Variants in GRID2 observed in about 807,000 individuals in gnomAD.
The protein encoded by GRID2 is glutamate receptor ionotropic, delta-2.
In GRID2, 33 loss-of-function variants were observed where a neutral mutation model predicts 114.8. The ratio of observed to expected loss-of-function variants is 0.29; its 90% CI spans 0.22 to 0.38. The LOEUF is 0.38. GRID2 is among the 10% of genes least tolerant of loss of function. The pLI is 1.00. For synonymous variants in GRID2, 505 were observed against 449.9 expected (o/e 1.12, Z -1.55); for missense variants, 1,184 against 1,257.7 (o/e 0.94, Z 0.89).
chr4:93,533,005 G>A (rs1448475309), intron 13 of GRID2, among the ~76,000 whole-genome samples: 1 of 151,954 alleles, frequency 6.6e-6, no homozygotes, highest in Non-Finnish European at 1.5e-5. Context: ...TTTTTCAGTT[G>A]CGTGTGCTGG....
At chr4:93,245,178 T>A (rs773540678) in intron 8 of GRID2, among the ~76,000 whole-genome samples, 4 of 152,126 alleles carry the variant, frequency 2.6e-5, no homozygotes, top group Middle Eastern at 3.2e-3. Flanking sequence ...TTGTTTTCTG[T>A]TGTATTCCTA....
chr4:92,674,374 A>G (rs1362530212), intron 2 of GRID2, among the ~76,000 whole-genome samples: 1 of 151,612 alleles, frequency 6.6e-6, no homozygotes, highest in Admixed American at 6.6e-5. Flanking sequence ...CTTCAAGTTC[A>G]CTCATTCTTT....
intron 14 of GRID2, among the ~76,000 whole-genome samples, chr4:93,745,875 T>A (rs2110267872): frequency 6.6e-6 from 1 of 152,322 alleles, no homozygotes; most frequent in East Asian, 1.9e-4. Context: ...GCAGAGTTAA[T>A]TAACTCTTTC....
chr4:93,781,559 C>T (rs2110351056), intron 1 of GRID2, among the ~76,000 whole-genome samples: 1 of 152,246 alleles, frequency 6.6e-6, no homozygotes, highest in Middle Eastern at 3.4e-3. Flanking sequence ...GGGGTTGGTT[C>T]CAGGACCCCC....
chr4:93,723,308 G>A (rs1290090772), intron 14 of GRID2, among the ~76,000 whole-genome samples: 1 of 152,134 alleles, frequency 6.6e-6, no homozygotes, highest in African/African-American at 2.4e-5. Flanking sequence ...TAATTTTTGA[G>A]AAATAAATGA....
At chr4:93,597,406 G>A (rs1301114882) in intron 13 of GRID2, among the ~76,000 whole-genome samples, 1 of 152,144 alleles carries the variant, frequency 6.6e-6, no homozygotes, top group African/African-American at 2.4e-5. Context: ...CAGTCTTCTA[G>A]TTCACAGGGA....
At chr4:92,592,542 T>C (rs1456805345) in intron 2 of GRID2, among the ~76,000 whole-genome samples, 1 of 152,208 alleles carries the variant, frequency 6.6e-6, no homozygotes, top group East Asian at 1.9e-4. Context: ...AACAAAAATA[T>C]CTTGCAATAG....
At chr4:92,515,921 T>G (rs111681576) in intron 1 of GRID2, among the ~76,000 whole-genome samples, 1 of 152,088 alleles carries the variant, frequency 6.6e-6, no homozygotes, top group African/African-American at 2.4e-5. Context: ...AGAAAGTAGA[T>G]TTTTTTAAAA....
intron 2 of GRID2, among the ~76,000 whole-genome samples, chr4:92,618,154 A>G (rs1019965073): frequency 1.3e-5 from 2 of 151,738 alleles, no homozygotes; most frequent in Non-Finnish European, 2.9e-5. Flanking sequence ...CTAGTCTTAC[A>G]TTTAGATCTT....
intron 9 of GRID2, among the ~76,000 whole-genome samples, chr4:93,397,840 C>G (rs1356064110): frequency 6.6e-6 from 1 of 151,758 alleles, no homozygotes; most frequent in East Asian, 1.9e-4. Flanking sequence ...AGTGTAAATG[C>G]TATGTAAGTA....
intron 12 of GRID2, among the ~76,000 whole-genome samples, chr4:93,491,647 T>C (rs1430744411): frequency 6.6e-6 from 1 of 151,892 alleles, no homozygotes; most frequent in Non-Finnish European, 1.5e-5. Flanking sequence ...GACATTCATT[T>C]CCCAAAAAGC....
intron 13 of GRID2, among the ~76,000 whole-genome samples, chr4:93,592,216 A>G (rs975645024): frequency 2.0e-5 from 3 of 151,274 alleles, no homozygotes; most frequent in East Asian, 1.9e-4. Flanking sequence ...TTCCCTCTAC[A>G]CACTGCTTTG....
At chr4:92,719,846 A>G (rs555193915) in intron 2 of GRID2, among the ~76,000 whole-genome samples, 1 of 152,272 alleles carries the variant, frequency 6.6e-6, no homozygotes, top group East Asian at 1.9e-4. Flanking sequence ...AGAATGAGCC[A>G]ATTCTTGAAG....
chr4:93,451,607 G>T (rs918080524), intron 10 of GRID2, among the ~76,000 whole-genome samples: 2 of 152,064 alleles, frequency 1.3e-5, no homozygotes, highest in Non-Finnish European at 2.9e-5. Context: ...GCAGGAGACA[G>T]GATCAGATTT....
At chr4:93,515,624 A>C (rs1033542783) in intron 13 of GRID2, among the ~76,000 whole-genome samples, 1 of 152,160 alleles carries the variant, frequency 6.6e-6, no homozygotes, top group African/African-American at 2.4e-5. Flanking sequence ...ATCAGTTTCC[A>C]TTTGAATTCC....
chr4:93,686,500 A>C (rs1262976223), intron 14 of GRID2, among the ~76,000 whole-genome samples: 1 of 152,012 alleles, frequency 6.6e-6, no homozygotes, highest in East Asian at 1.9e-4. Flanking sequence ...AATAGAAAAA[A>C]AAAAATCCCC....
intron 1 of GRID2, among the ~76,000 whole-genome samples, chr4:92,481,981 GATATATATAT>G (rs35103752): frequency 0.018 from 865 of 46,864 alleles, 18 homozygotes; most frequent in Non-Finnish European, 0.025. Context: ...AATAAAATGT[GATATATATAT>G]ATATATATAT....
At chr4:93,783,521 T>A (rs1259262750) in intron 1 of GRID2, among the ~76,000 whole-genome samples, 7 of 152,176 alleles carry the variant, frequency 4.6e-5, no homozygotes, top group Non-Finnish European at 4.4e-5. Context: ...GCTACAAATA[T>A]TTGTAATACA....
At chr4:92,395,643 C>T (rs762010997) in intron 1 of GRID2, among the ~76,000 whole-genome samples, 10 of 151,722 alleles carry the variant, frequency 6.6e-5, no homozygotes, top group Non-Finnish European at 8.9e-5. Context: ...CACTATCTAT[C>T]TATGTGTCTC....
Sources: allele counts gnomAD v4.1 joint callset (sites outside exome capture counted in the v4.1 genomes callset), GRCh38; gene constraint gnomAD v4.1.1; transcripts MANE v1.5; gene names NCBI Gene and HGNC (gene_info 2026-07-23, HGNC 2026-07-21).